Variants in TNS4 observed in about 807,000 individuals in gnomAD.
TNS4 encodes tensin 4.
Under a neutral mutation model 70.4 loss-of-function variants are expected in TNS4, and 46 were observed. That is an observed-to-expected ratio of 0.65 (90% CI 0.52 to 0.84). The LOEUF (loss-of-function observed/expected upper bound fraction) is 0.84, where lower values mean the gene tolerates loss of function less well. TNS4 is among the 40% of genes least tolerant of loss of function. The probability of loss-of-function intolerance (pLI) is 0.00; values close to 1 mark genes in which losing one functional copy is unlikely to be tolerated. For missense variants in TNS4, 863 were observed against 907.0 expected, an observed-to-expected ratio of 0.95 and a Z score of 0.62; for synonymous variants, 390 against 366.6, an observed-to-expected ratio of 1.06 and a Z score of -0.73.
At chr17:40,480,094 G>T (rs1435053679) in intron 9 of TNS4, 7 of 517,566 alleles carry the variant, frequency 1.4e-5, no homozygotes, top group Non-Finnish European at 2.1e-5. Context: ...AGGGGATGTT[G>T]CCCTGTGTGT....
intron 3 of TNS4, 102 bp downstream of exon 3, chr17:40,488,444 A>T: frequency 8.4e-7 from 1 of 1,190,124 alleles, no homozygotes; most frequent in Non-Finnish European, 1.1e-6. Context: ...GCATGCCCAG[A>T]TTTTGCTCAG....
At chr17:40,499,587 G>T (rs977845333) in intron 1 of TNS4, among the ~76,000 whole-genome samples, 2 of 152,234 alleles carry the variant, frequency 1.3e-5, no homozygotes, top group Admixed American at 6.5e-5. Flanking sequence ...CCCAACGCCC[G>T]TGGCTCCGGT....
intron 3 of TNS4, among the ~76,000 whole-genome samples, chr17:40,487,973 G>A (rs2036014449): frequency 6.6e-6 from 1 of 152,258 alleles, no homozygotes; most frequent in African/African-American, 2.4e-5. Flanking sequence ...CAGCCTCTGT[G>A]CCAGGGACTG....
chr17:40,480,146 C>T, intron 9 of TNS4: 1 of 372,150 alleles, frequency 2.7e-6, no homozygotes. Flanking sequence ...CACTTAACGG[C>T]TGCTCTCCTC....
At position 40,482,313 on chromosome 17, in the gene TNS4, G is replaced by C. The variant is rs1346387911; in HGVS notation, c.1594+11C>G. 1.9e-6 allele frequency: 3 copies of C among 1,614,122 alleles called. No individual in the cohort carries two copies. Among genetic ancestry groups the C allele is most frequent in the Non-Finnish European group, 2.5e-6 (3 of 1,179,982 alleles). ...CCATCCCGGGGGAGCCTGGAGGCTG[G>C]GGAGTCTCACCAAAGTAGGGCTCCT... On this transcript the variant is annotated intron_variant, in intron 7 of 12. Coordinates refer to ENST00000254051, the MANE Select transcript of TNS4 (RefSeq NM_032865.6).
Position 40,488,803 on chromosome 17 carries a change from G to C in TNS4, c.606C>G (p.Ile202Met). 6.2e-7 allele frequency: 1 copy of C among 1,613,400 alleles called. No homozygotes were observed. Among genetic ancestry groups the C allele is most frequent in the East Asian group, 2.2e-5 (1 of 44,870 alleles). ...RETRSSSESLIFSGNQGRGHQ... is the reference protein window; with the variant it reads ...RETRSSSESLMFSGNQGRGHQ... ...GCCCCCTGCCCTGGTTCCCAGAGAA[G>C]ATGAGGCTCTCACTGCTGCTTCGTG... The change falls in exon 3 of 13, where the codon ATC becomes ATG. Residue 202 changes from isoleucine to methionine, a missense_variant. Ile to Met is a conservative substitution (Grantham distance 10). Coordinates refer to ENST00000254051, the MANE Select transcript of TNS4 (RefSeq NM_032865.6).
chr17:40,482,933 C>A (rs1351654143), intron 6 of TNS4, among the ~76,000 whole-genome samples: 1 of 151,640 alleles, frequency 6.6e-6, no homozygotes, highest in Non-Finnish European at 1.5e-5. Context: ...AACCTTTCTG[C>A]TGGTCAAGAG....
At chr17:40,484,804 C>A in intron 5 of TNS4, 117 bp downstream of exon 5, 1 of 1,380,230 alleles carries the variant, frequency 7.2e-7, no homozygotes, top group Non-Finnish European at 1.0e-6. Context: ...AGGACATCCC[C>A]CTCCCCCGCT....
At chr17:40,492,643 C>T (rs906058555) in intron 2 of TNS4, among the ~76,000 whole-genome samples, 9 of 143,892 alleles carry the variant, frequency 6.3e-5, no homozygotes, top group East Asian at 2.1e-4. Flanking sequence ...TGATATGGCT[C>T]ATGCCTGTAA....
intron 8 of TNS4, among the ~76,000 whole-genome samples, chr17:40,481,343 TTCTTTCTC>T (rs949204663): frequency 8.5e-5 from 13 of 152,160 alleles, no homozygotes; most frequent in East Asian, 3.9e-4. Context: ...CTTTCCTTCC[TTCTTTCTC>T]TCTTTCTCTC....
At chr17:40,484,702 G>A (rs1370657529) in intron 5 of TNS4, 93 bp from the exon 6 acceptor site, 1 of 1,548,800 alleles carries the variant, frequency 6.5e-7, no homozygotes, top group Non-Finnish European at 8.7e-7. Flanking sequence ...ATGTTACAGA[G>A]TCACCTTTTG....
At chr17:40,495,917 A>T in intron 2 of TNS4, 70 bp downstream of exon 2, 1 of 1,513,790 alleles carries the variant, frequency 6.6e-7, no homozygotes, top group Non-Finnish European at 8.9e-7. Context: ...CTCTGTACAT[A>T]GGAAAATCCT....
chr17:40,494,596 G>T (rs536770579), intron 2 of TNS4, among the ~76,000 whole-genome samples: 12 of 152,228 alleles, frequency 7.9e-5, no homozygotes, highest in Non-Finnish European at 1.3e-4. Flanking sequence ...GCTGGGCATG[G>T]TGGCAGGTGC....
rs1849431263 is a variant in TNS4, at chr17:40,488,710, G to C, written c.699C>G (p.Ile233Met). The change falls in exon 3 of 13, where the codon ATC becomes ATG. Residue 233 changes from isoleucine to methionine, a missense_variant. Physicochemically the swap from Ile to Met is conservative, Grantham distance 10. Transcript: ENST00000254051. Reference sequence around the variant, plus strand: ...TCGAGGCCTTGCTCCCCATGCAAGGGATTGAGATGCTGGGGGAATTTGGGG... The same window carrying C: ...TCGAGGCCTTGCTCCCCATGCAAGGCATTGAGATGCTGGGGGAATTTGGGG... Reference protein sequence around the residue: ...PRPPNSPSISIPCMGSKASSP... With the variant: ...PRPPNSPSISMPCMGSKASSP... 2 of 1,592,134 alleles carry C rather than the reference G, an allele frequency of 1.3e-6. No individual in the cohort carries two copies. The highest frequency in any genetic ancestry group is 1.8e-5 in the Admixed American group (1 of 55,220).
chr17:40,478,283 G>T, intron 12 of TNS4, 24 bp downstream of exon 12: 1 of 1,613,756 alleles, frequency 6.2e-7, no homozygotes, highest in Non-Finnish European at 8.5e-7. Context: ...TTGGGTTTGG[G>T]GCCCTGAGAC....
intron 2 of TNS4, among the ~76,000 whole-genome samples, chr17:40,492,084 T>C (rs577337711): frequency 6.6e-6 from 1 of 152,126 alleles, no homozygotes; most frequent in African/African-American, 2.4e-5. Flanking sequence ...CTGGGGAAGG[T>C]TTGTGAAGCA....
At chr17:40,492,823 G>GGGGGT (rs1214539831) in intron 2 of TNS4, among the ~76,000 whole-genome samples, 2 of 151,966 alleles carry the variant, frequency 1.3e-5, no homozygotes, top group Non-Finnish European at 2.9e-5. Flanking sequence ...AATCACCGAG[G>GGGGGT]TGGACGAGGT....
chr17:40,484,520 C>T lies in TNS4; in HGVS notation c.1465G>A (p.Val489Met). ...YRGSFGLALK[V>M]QEVPASAQSR... The stretch of plus-strand genomic sequence containing the variant: ...TGAGCAGACGCGGGAACCTCCTGCA[C>T]CTTCAGGGCCAGGCCGAAGGAGCCT... The change falls in exon 6 of 13, where the codon GTG becomes ATG. Residue 489 changes from valine (V) to methionine (M), a missense_variant. Coordinates refer to ENST00000254051, the MANE Select transcript of TNS4 (RefSeq NM_032865.6). The T allele has an allele frequency of 1.2e-6, 2 of 1,612,456 alleles. No individual in the cohort carries two copies. The highest frequency in any genetic ancestry group is 1.7e-6 in the Non-Finnish European group (2 of 1,179,992).
intron 6 of TNS4, 86 bp downstream of exon 6, chr17:40,484,398 A>G: frequency 6.4e-7 from 1 of 1,557,724 alleles, no homozygotes; most frequent in Non-Finnish European, 8.7e-7. Context: ...TGTCACCCTG[A>G]AAGCTAGTGC....
Sources: gnomAD v4.1 joint callset for allele counts (sites outside exome capture counted in the v4.1 genomes callset) on GRCh38, gnomAD v4.1.1 for gene constraint, MANE v1.5 for transcripts, NCBI Gene and HGNC (gene_info 2026-07-23, HGNC 2026-07-21) for gene names.